Variants in THRB observed in about 807,000 individuals in gnomAD.
THRB encodes thyroid hormone receptor beta.
In THRB, 12 loss-of-function variants were observed where a neutral mutation model predicts 47.8. The ratio of observed to expected loss-of-function variants is 0.25; its 90% CI spans 0.16 to 0.41. The LOEUF (loss-of-function observed/expected upper bound fraction) is 0.41. Ranked by LOEUF, THRB falls within the 10% of genes least tolerant of loss-of-function variation. The pLI is 1.00. For synonymous variants in THRB, 218 were observed against 212.2 expected (o/e 1.03, Z -0.24); for missense variants, 348 against 589.2 (o/e 0.59, Z 4.24).
chr3:24,389,612 T>G (rs890707344), intron 1 of THRB, among the ~76,000 whole-genome samples: 1 of 152,284 alleles, frequency 6.6e-6, no homozygotes, highest in African/African-American at 2.4e-5. Flanking sequence ...TGTTCTCTAA[T>G]GGAATGCAAA....
At chr3:24,219,817 G>C (rs1253494279) in intron 4 of THRB, among the ~76,000 whole-genome samples, 1 of 152,246 alleles carries the variant, frequency 6.6e-6, no homozygotes, top group African/African-American at 2.4e-5. Context: ...CATTAGGTAA[G>C]ATGGTTGGAT....
At chr3:24,238,263 ATGTGTG>A (rs3034410) in intron 3 of THRB, among the ~76,000 whole-genome samples, 1 of 34,112 alleles carries the variant, frequency 2.9e-5, no homozygotes, top group Non-Finnish European at 6.0e-5. Flanking sequence ...GTGTGTGTGT[ATGTGTG>A]TGTGTGTGTG....
intron 3 of THRB, among the ~76,000 whole-genome samples, chr3:24,275,185 GATAA>G (rs1254645370): frequency 6.6e-6 from 1 of 152,018 alleles, no homozygotes; most frequent in Non-Finnish European, 1.5e-5. Context: ...TTCACACAAG[GATAA>G]ATAAAATGTC....
chr3:24,241,408 C>T (rs1283289542), intron 3 of THRB, among the ~76,000 whole-genome samples: 1 of 152,202 alleles, frequency 6.6e-6, no homozygotes, highest in African/African-American at 2.4e-5. Flanking sequence ...GGTCACCCTA[C>T]TGTCCTCTTA....
intron 7 of THRB, 29 bp from the exon 8 acceptor site, chr3:24,143,735 C>T (rs2035741505): frequency 1.9e-6 from 3 of 1,609,830 alleles, no homozygotes; most frequent in Non-Finnish European, 2.6e-6. Context: ...TGAGACAAGG[C>T]ACACAGATGC....
At chr3:24,344,666 C>T (rs1180646938) in intron 1 of THRB, among the ~76,000 whole-genome samples, 3 of 149,572 alleles carry the variant, frequency 2.0e-5, no homozygotes, top group African/African-American at 7.5e-5. Flanking sequence ...CTGTAACACA[C>T]ATATACACAA....
At chr3:24,407,416 G>A (rs895539202) in intron 1 of THRB, among the ~76,000 whole-genome samples, 1 of 151,670 alleles carries the variant, frequency 6.6e-6, no homozygotes, top group South Asian at 2.1e-4. Flanking sequence ...ATATTTTCAG[G>A]GGATGTGTAT....
chr3:24,421,614 G>C (rs1256115838), intron 1 of THRB, among the ~76,000 whole-genome samples: 2 of 151,828 alleles, frequency 1.3e-5, no homozygotes, highest in African/African-American at 2.4e-5. Flanking sequence ...GTGCCACCCA[G>C]GACCCTGCCA....
chr3:24,255,497 C>G (rs887694545), intron 3 of THRB, among the ~76,000 whole-genome samples: 1 of 152,122 alleles, frequency 6.6e-6, no homozygotes. Context: ...GTGTCATTTT[C>G]CTTTATGGCC....
In THRB at chr3:24,265,190, G is replaced by T. The variant is rs530191978; in HGVS notation, c.-43+32036C>A. ...CTTGGGGGACAGAAAGAAGGGCAGTGAAAGAAAGTGAAGAAAGAGGTGAGG... is the reference window on the plus strand; with the variant it reads ...CTTGGGGGACAGAAAGAAGGGCAGTTAAAGAAAGTGAAGAAAGAGGTGAGG... On this transcript the variant is annotated intron_variant, in intron 3 of 10. Coordinates refer to ENST00000646209, the MANE Select transcript of THRB (RefSeq NM_001354712.2). Among the ~76,000 whole-genome samples, 286 of 152,234 alleles carry T rather than the reference G, an allele frequency of 1.9e-3. 1 individual carries two copies. Among genetic ancestry groups the T allele is most frequent in the African/African-American group, 6.6e-3 (275 of 41,536 alleles).
At chr3:24,251,643 A>G (rs988246923) in intron 3 of THRB, among the ~76,000 whole-genome samples, 1 of 152,130 alleles carries the variant, frequency 6.6e-6, no homozygotes, top group Non-Finnish European at 1.5e-5. Flanking sequence ...AAATTTGCAT[A>G]GACTGAAAAT....
chr3:24,269,401 GCGCACACACACA>G (rs1175049544), intron 3 of THRB, among the ~76,000 whole-genome samples: 12 of 45,668 alleles, frequency 2.6e-4, no homozygotes, highest in South Asian at 8.8e-4. Context: ...GCGCGCGCGC[GCGCACACACACA>G]CACACACACA....
At chr3:24,385,418 C>T (rs1175099118) in intron 1 of THRB, among the ~76,000 whole-genome samples, 1 of 151,858 alleles carries the variant, frequency 6.6e-6, no homozygotes, top group Non-Finnish European at 1.5e-5. Flanking sequence ...CACATACACA[C>T]ACACACACAC....
chr3:24,233,554 A>AAGAAAG (rs1491509926), intron 3 of THRB, among the ~76,000 whole-genome samples: 3 of 57,392 alleles, frequency 5.2e-5, no homozygotes, highest in South Asian at 7.2e-4. Context: ...AGAAAGAAAG[A>AAGAAAG]AAAAGGAAGA....
intron 3 of THRB, among the ~76,000 whole-genome samples, chr3:24,259,147 G>A (rs978535761): frequency 5.9e-5 from 9 of 152,072 alleles, no homozygotes; most frequent in Non-Finnish European, 1.0e-4. Flanking sequence ...CATCAGTCTC[G>A]ACAGAATTTA....
rs753644372 is a variant in THRB at position 24,123,129 on chromosome 3, C to T, written c.1145-4G>A. The T allele has an allele frequency of 1.2e-5, 20 of 1,613,810 alleles. No homozygotes were observed. The highest frequency in any genetic ancestry group is 4.4e-5 in the South Asian group (4 of 91,058). The stretch of plus-strand genomic sequence containing the variant: ...ACACAGGCAAGCCCCGGGCGATCTG[C>T]GGGGAAGAGAGAAGATGGACATTGA... On this transcript the variant is annotated splice_region_variant and splice_polypyrimidine_tract_variant and intron_variant, in intron 10 of 10. Coordinates refer to ENST00000646209, the MANE Select transcript of THRB (RefSeq NM_001354712.2).
intron 4 of THRB, among the ~76,000 whole-genome samples, chr3:24,210,340 C>T (rs186973699): frequency 2.0e-5 from 3 of 152,068 alleles, no homozygotes; most frequent in Admixed American, 1.3e-4. Flanking sequence ...TTTGTTCGAT[C>T]CAAATAATTG....
In THRB at chr3:24,494,754, G is replaced by C. The variant is rs1323310724; in HGVS notation, c.-363C>G. Reference sequence around the variant, plus strand: ...AAGGTAGCCTGCGGGCTCTTGCCCCGAGCCCGCGGAGCAGGAGGTCTCTTT... The same window carrying C: ...AAGGTAGCCTGCGGGCTCTTGCCCCCAGCCCGCGGAGCAGGAGGTCTCTTT... On this transcript the variant is annotated 5_prime_UTR_variant, in exon 1 of 11. Transcript: ENST00000646209. The C allele has an allele frequency of 1.3e-5, 2 of 151,896 alleles. No individual in the cohort carries two copies. The highest frequency in any genetic ancestry group is 4.8e-5 in the African/African-American group (2 of 41,326). 9.4% of individuals were successfully genotyped at this position (151,896 alleles called of 1,614,324 possible).
At chr3:24,332,143 G>C (rs997730359) in intron 2 of THRB, among the ~76,000 whole-genome samples, 5 of 152,152 alleles carry the variant, frequency 3.3e-5, no homozygotes, top group African/African-American at 1.2e-4. Flanking sequence ...ATTCTGGTAA[G>C]ACCCCCTAAA....
Sources: allele counts gnomAD v4.1 joint callset (sites outside exome capture counted in the v4.1 genomes callset), GRCh38; gene constraint gnomAD v4.1.1; transcripts MANE v1.5; gene names NCBI Gene and HGNC (gene_info 2026-07-23, HGNC 2026-07-21).